CDK12: variants seen among roughly 807,000 people sequenced by gnomAD.
CDK12 encodes cyclin dependent kinase 12.
Under a neutral mutation model 133.8 loss-of-function variants are expected in CDK12, and 17 were observed. That is an observed-to-expected ratio of 0.13 (90% confidence interval 0.09 to 0.19). The LOEUF (loss-of-function observed/expected upper bound fraction) is 0.19, where lower values mean the gene tolerates loss of function less well. CDK12 is among the 10% of genes least tolerant of loss of function. The pLI is 1.00. For synonymous variants in CDK12, 694 were observed against 683.6 expected (o/e 1.02, Z -0.24); for missense variants, 1,508 against 1,818.7 (o/e 0.83, Z 3.11).
intron 3 of CDK12, among the ~76,000 whole-genome samples, chr17:39,559,847 G>GA (rs1334554435): frequency 2.2e-5 from 1 of 44,822 alleles, no homozygotes; most frequent in Non-Finnish European, 4.8e-5. Context: ...TCATAAAAAA[G>GA]AAAAAATGTT....
Position 39,524,898 on chromosome 17 carries a change from A to C in CDK12, c.3307+13A>C. On this transcript the variant is annotated intron_variant, in intron 12 of 13. Transcript: ENST00000447079. ...GGGGATGCAATAGGTCAGTGCCAGA[A>C]TGGGGCCTTTGTGCTTTTGCTAAGC... is the stretch of plus-strand genomic sequence containing the variant. 1 of 1,597,646 alleles carries C rather than the reference A, an allele frequency of 6.3e-7. No homozygotes were observed. Among genetic ancestry groups the C allele is most frequent in the Non-Finnish European group, 8.6e-7 (1 of 1,169,552 alleles).
At position 39,531,711 on chromosome 17, in the gene CDK12, G is replaced by C; in HGVS notation, c.*395G>C. ...CTTTGATTTTTAAAGTTTTGGGGTGGGGGATTGTGTGTGGTTTCTTTCTTT... is the reference window on the plus strand; with the variant it reads ...CTTTGATTTTTAAAGTTTTGGGGTGCGGGATTGTGTGTGGTTTCTTTCTTT... On this transcript the variant is annotated 3_prime_UTR_variant, in exon 14 of 14. Transcript: ENST00000447079. 4.1e-6 allele frequency: 1 copy of C among 246,534 alleles called. No homozygotes were observed. The allele number at this position is 246,534 out of a possible 1,614,324, so 15.3% of individuals were successfully genotyped here.
chr17:39,462,342 C>T lies in CDK12; in HGVS notation c.271C>T (p.Leu91=), dbSNP rs149034064. ...DTFSDDMAFK[L]DRRENDERRG... is the part of the protein sequence containing the mutation. ...CTTCTCCGATGACATGGCCTTCAAA[C>T]TAGACCGAAGGGAGAACGACGAACG... Residue 91 remains leucine, a synonymous_variant, in exon 1 of 14, where the codon CTA becomes TTA. Transcript: ENST00000447079. 2,817 of 1,614,214 alleles carry T rather than the reference C, an allele frequency of 1.7e-3. 62 individuals carry two copies. The South Asian group carries it at 0.029, about 16-fold the overall frequency.
chr17:39,478,551 C>T (rs189029212), intron 2 of CDK12, among the ~76,000 whole-genome samples: 118 of 151,978 alleles, frequency 7.8e-4, no homozygotes, highest in African/African-American at 2.2e-3. Context: ...GGTAGAAAAA[C>T]GGAAATAGAC....
At chr17:39,557,983 G>T (rs1366264324) in intron 3 of CDK12, among the ~76,000 whole-genome samples, 1 of 152,220 alleles carries the variant, frequency 6.6e-6, no homozygotes, top group Non-Finnish European at 1.5e-5. Context: ...GTGAAATAAT[G>T]TGTGTAAAGC....
At position 39,525,943 on chromosome 17, in the gene CDK12, G is replaced by T. The variant is rs2054471063; in HGVS notation, c.3387G>T (p.Leu1129=). The change falls in exon 13 of 14, where the codon CTG becomes CTT. Residue 1129 remains leucine (L), a synonymous_variant. Transcript: ENST00000447079. ...LLNLLQSQTD[L]SIPQMAQLLN... is the part of the protein sequence containing the mutation. ...ACCTGCTGCAGAGCCAAACCGACCT[G>T]AGCATCCCTCAAATGGCACAGCTGC... 6.2e-7 allele frequency: 1 copy of T among 1,614,030 alleles called. No individual in the cohort carries two copies. The highest frequency in any genetic ancestry group is 1.3e-5 in the African/African-American group (1 of 74,910).
intron 2 of CDK12, among the ~76,000 whole-genome samples, chr17:39,481,615 GTGCT>G (rs907063803): frequency 5.2e-5 from 7 of 135,740 alleles, no homozygotes; most frequent in Middle Eastern, 4.1e-3. Context: ...CAGCACTTAT[GTGCT>G]TGCTCGCTCG....
chr17:39,476,078 T>TA (rs2050168154), intron 2 of CDK12, among the ~76,000 whole-genome samples: 1 of 151,924 alleles, frequency 6.6e-6, no homozygotes, highest in Non-Finnish European at 1.5e-5. Flanking sequence ...TTTTTTTTTT[T>TA]ACTTCAGAAA....
chr17:39,488,891 C>T (rs182146763), intron 2 of CDK12, among the ~76,000 whole-genome samples: 135 of 152,032 alleles, frequency 8.9e-4, no homozygotes, highest in African/African-American at 3.0e-3. Flanking sequence ...GCCATCTGCC[C>T]CCAAGTAGCT....
chr17:39,563,298 G>C (rs892763247), intron 3 of CDK12, among the ~76,000 whole-genome samples: 3 of 152,070 alleles, frequency 2.0e-5, no homozygotes, highest in Admixed American at 1.3e-4. Context: ...GAGTGGGTGA[G>C]TGGGAACCCT....
chr17:39,523,243 G>T (rs958381206), intron 11 of CDK12, among the ~76,000 whole-genome samples: 3 of 152,110 alleles, frequency 2.0e-5, no homozygotes, highest in South Asian at 2.1e-4. Flanking sequence ...GGAGGCTGAG[G>T]CAGGCAGATC....
At chr17:39,475,784 A>C (rs1004627121) in intron 2 of CDK12, among the ~76,000 whole-genome samples, 1 of 151,968 alleles carries the variant, frequency 6.6e-6, no homozygotes, top group Non-Finnish European at 1.5e-5. Context: ...TGACCTCGTG[A>C]TTCGCCCACC....
chr17:39,495,795 A>G (rs1024120075), intron 5 of CDK12, among the ~76,000 whole-genome samples: 3 of 140,146 alleles, frequency 2.1e-5, no homozygotes, highest in African/African-American at 8.1e-5. Flanking sequence ...ACTCCGCCTC[A>G]AAAAAAAAAA....
At chr17:39,557,403 G>A (rs1597718559) in intron 3 of CDK12, among the ~76,000 whole-genome samples, 1 of 152,256 alleles carries the variant, frequency 6.6e-6, no homozygotes, top group South Asian at 2.1e-4. Flanking sequence ...TTGACACCTT[G>A]GGGTAGATCC....
chr17:39,480,853 C>A (rs2050586569), intron 2 of CDK12, among the ~76,000 whole-genome samples: 1 of 152,188 alleles, frequency 6.6e-6, no homozygotes, highest in African/African-American at 2.4e-5. Flanking sequence ...TTCTTGATTT[C>A]AAGAAGCAAG....
chr17:39,463,013 A>G lies in CDK12; in HGVS notation c.942A>G (p.Glu314=), dbSNP rs1405710640. The change falls in exon 1 of 14, where the codon GAA becomes GAG. Residue 314 remains glutamate (E), a synonymous_variant. Transcript: ENST00000447079. ...GCAGGAGACGGTCGTCCAGCTACGA[A>G]AGAAGTGGCTCTTACAGCGGGCGAT... ...PYSRRRSSSY[E]RSGSYSGRSP... is the part of the protein sequence containing the mutation. 6.2e-7 allele frequency: 1 copy of G among 1,614,104 alleles called. No homozygotes were observed. The highest frequency in any genetic ancestry group is 2.2e-5 in the East Asian group (1 of 44,886).
chr17:39,506,513 G>A (rs141158112), intron 6 of CDK12, among the ~76,000 whole-genome samples: 210 of 152,178 alleles, frequency 1.4e-3, no homozygotes, highest in African/African-American at 4.5e-3. Flanking sequence ...ACCACGCCTG[G>A]CCAATTATAT....
At chr17:39,476,724 T>TCTTTTTTTC (rs1567696921) in intron 2 of CDK12, among the ~76,000 whole-genome samples, 2 of 113,076 alleles carry the variant, frequency 1.8e-5, no homozygotes, top group African/African-American at 7.0e-5. Flanking sequence ...TTTTTTTTTT[T>TCTTTTTTTC]TTTTTTTTTT....
At chr17:39,465,480 G>A (rs993704713) in intron 1 of CDK12, among the ~76,000 whole-genome samples, 4 of 150,794 alleles carry the variant, frequency 2.7e-5, no homozygotes, top group African/African-American at 4.9e-5. Flanking sequence ...CATTTGTAAA[G>A]CTGCTTTGTT....
Sources: allele counts gnomAD v4.1 joint callset (sites outside exome capture counted in the v4.1 genomes callset), GRCh38; gene constraint gnomAD v4.1.1; transcripts MANE v1.5; gene names NCBI Gene and HGNC (gene_info 2026-07-23, HGNC 2026-07-21).